GNAQ: variants seen among roughly 807,000 people sequenced by gnomAD.
The protein encoded by GNAQ is guanine nucleotide-binding protein G(q) subunit alpha.
Under a neutral mutation model 43.9 loss-of-function variants are expected in GNAQ, and 8 were observed. The observed-to-expected ratio is 0.18, with a 90% CI of 0.11 to 0.33. The LOEUF (loss-of-function observed/expected upper bound fraction) is 0.33. Ranked by LOEUF, GNAQ falls within the 10% of genes least tolerant of loss-of-function variation. GNAQ has a pLI of 1.00. For missense variants in GNAQ, 158 were observed against 450.8 expected (o/e 0.35, Z 5.88); for synonymous variants, 155 against 170.7 (o/e 0.91, Z 0.71).
At chr9:77,725,402 A>G (rs1202736495) in intron 6 of GNAQ, among the ~76,000 whole-genome samples, 1 of 152,072 alleles carries the variant, frequency 6.6e-6, no homozygotes, top group Non-Finnish European at 1.5e-5. Context: ...GCTTATTACA[A>G]AAACATCACT....
chr9:77,939,610 A>G (rs188518010), intron 1 of GNAQ, among the ~76,000 whole-genome samples: 8,322 of 152,284 alleles, frequency 0.055, 259 homozygotes, highest in Non-Finnish European at 0.056. Flanking sequence ...AAGCAAAGAA[A>G]AAAACAGAAA....
At chr9:77,898,133 A>T (rs1317738135) in intron 2 of GNAQ, among the ~76,000 whole-genome samples, 1 of 152,174 alleles carries the variant, frequency 6.6e-6, no homozygotes, top group Non-Finnish European at 1.5e-5. Flanking sequence ...CTGTTCTGTC[A>T]CTGGATAATC....
intron 1 of GNAQ, among the ~76,000 whole-genome samples, chr9:78,001,890 T>C (rs1823648144): frequency 6.6e-6 from 1 of 152,224 alleles, no homozygotes; most frequent in Non-Finnish European, 1.5e-5. Context: ...GGATTCTACT[T>C]ACAAACAAGC....
intron 2 of GNAQ, among the ~76,000 whole-genome samples, chr9:77,889,248 T>TA (rs200314744): frequency 0.019 from 2,746 of 147,272 alleles, 39 homozygotes; most frequent in Non-Finnish European, 0.03. Context: ...TCCCATCTTT[T>TA]AAAAAAAAAA....
chr9:77,721,942 C>CGG (rs1168066555), intron 6 of GNAQ, among the ~76,000 whole-genome samples: 3 of 152,100 alleles, frequency 2.0e-5, no homozygotes, highest in African/African-American at 7.2e-5. Context: ...GTCCTCCAAA[C>CGG]GACCCAATAT....
intron 1 of GNAQ, chr9:78,030,742 C>T (rs1316388781): frequency 1.1e-5 from 4 of 370,678 alleles, no homozygotes; most frequent in Non-Finnish European, 2.2e-5. Context: ...CTCTGCCCAC[C>T]TTTCCACCCC....
chr9:77,831,930 G>A (rs888706939), intron 2 of GNAQ, among the ~76,000 whole-genome samples: 2 of 152,056 alleles, frequency 1.3e-5, no homozygotes, highest in Non-Finnish European at 2.9e-5. Flanking sequence ...GTATGTAATT[G>A]CCCTCGCCAG....
intron 1 of GNAQ, among the ~76,000 whole-genome samples, chr9:77,992,728 T>C (rs1334662407): frequency 6.6e-6 from 1 of 152,106 alleles, no homozygotes; most frequent in Admixed American, 6.6e-5. Flanking sequence ...GTGGATCACC[T>C]GAGGTCAAGA....
chr9:77,874,104 C>CAAAA (rs71937328), intron 2 of GNAQ, among the ~76,000 whole-genome samples: 1 of 98,996 alleles, frequency 1.0e-5, no homozygotes, highest in African/African-American at 3.9e-5. Context: ...AACTCCATCT[C>CAAAA]AAAAAAAAAA....
At chr9:77,754,846 A>C (rs920706592) in intron 5 of GNAQ, among the ~76,000 whole-genome samples, 24 of 152,200 alleles carry the variant, frequency 1.6e-4, no homozygotes, top group Non-Finnish European at 8.8e-5. Context: ...CTAAAAATAG[A>C]GCTACCATAT....
intron 1 of GNAQ, among the ~76,000 whole-genome samples, chr9:77,999,353 T>C (rs2118545882): frequency 6.6e-6 from 1 of 152,330 alleles, no homozygotes; most frequent in Non-Finnish European, 1.5e-5. Context: ...AAATTTTTAT[T>C]ATTTAAATAC....
chr9:77,865,234 G>A (rs1564134427), intron 2 of GNAQ, among the ~76,000 whole-genome samples: 1 of 152,330 alleles, frequency 6.6e-6, no homozygotes, highest in East Asian at 1.9e-4. Context: ...TATAAAGTGA[G>A]TTCAAAATGA....
At chr9:77,877,039 A>AT in intron 2 of GNAQ, among the ~76,000 whole-genome samples, 1 of 152,210 alleles carries the variant, frequency 6.6e-6, no homozygotes, top group Non-Finnish European at 1.5e-5. Flanking sequence ...GATTTTCAAC[A>AT]TAGTAGCCAA....
At chr9:77,991,309 T>C (rs563250551) in intron 1 of GNAQ, among the ~76,000 whole-genome samples, 1 of 152,318 alleles carries the variant, frequency 6.6e-6, no homozygotes, top group African/African-American at 2.4e-5. Flanking sequence ...CTTTCAGTGA[T>C]GTTCTTCACC....
intron 5 of GNAQ, among the ~76,000 whole-genome samples, chr9:77,758,333 T>G (rs1204951788): frequency 1.3e-5 from 2 of 152,236 alleles, no homozygotes; most frequent in Non-Finnish European, 2.9e-5. Flanking sequence ...AAACAACAAC[T>G]AAATTGAAAG....
chr9:77,798,637 TG>T (rs1826696151), intron 3 of GNAQ, among the ~76,000 whole-genome samples: 1 of 152,156 alleles, frequency 6.6e-6, no homozygotes, highest in African/African-American at 2.4e-5. Flanking sequence ...CCATATAAAA[TG>T]GAACAGTATT....
chr9:77,972,398 A>C (rs966889091), intron 1 of GNAQ, among the ~76,000 whole-genome samples: 9 of 150,884 alleles, frequency 6.0e-5, no homozygotes, highest in Non-Finnish European at 1.0e-4. Context: ...TTAAAATATA[A>C]GTTTCTCATA....
At chr9:77,854,940 G>C (rs1474391898) in intron 2 of GNAQ, among the ~76,000 whole-genome samples, 1 of 152,142 alleles carries the variant, frequency 6.6e-6, no homozygotes, top group African/African-American at 2.4e-5. Flanking sequence ...CAAATAACCA[G>C]TCTTTCTGGG....
chr9:77,781,413 T>G (rs1826391474), intron 5 of GNAQ, among the ~76,000 whole-genome samples: 1 of 152,102 alleles, frequency 6.6e-6, no homozygotes, highest in Non-Finnish European at 1.5e-5. Context: ...ATATAGGGGT[T>G]ACTGTCACTT....
Sources: gnomAD v4.1 joint callset for allele counts (sites outside exome capture counted in the v4.1 genomes callset) on GRCh38, gnomAD v4.1.1 for gene constraint, MANE v1.5 for transcripts, NCBI Gene and HGNC (gene_info 2026-07-23, HGNC 2026-07-21) for gene names.